The following DYNC1I1 variants were observed in gnomAD, a reference collection of about 807,000 sequenced individuals.
DYNC1I1 encodes cytoplasmic dynein 1 intermediate chain 1.
In DYNC1I1, 43 loss-of-function variants were observed where a neutral mutation model predicts 86.6. The observed-to-expected ratio is 0.50, with a 90% CI of 0.39 to 0.64. The LOEUF is 0.64. DYNC1I1 is among the 30% of genes least tolerant of loss of function. The probability of loss-of-function intolerance (pLI) is 0.00; values close to 1 mark genes in which losing one functional copy is unlikely to be tolerated. For synonymous variants in DYNC1I1, 262 were observed against 283.7 expected, an observed-to-expected ratio of 0.92 and a Z score of 0.77; for missense variants, 604 against 788.8, an observed-to-expected ratio of 0.77 and a Z score of 2.81.
chr7:96,039,847 T>C (rs7804847), intron 14 of DYNC1I1, among the ~76,000 whole-genome samples: 1 of 151,032 alleles, frequency 6.6e-6, no homozygotes. Flanking sequence ...GGGACTTGGG[T>C]TTTTTTTTGT....
chr7:96,101,009 G>A (rs1318990208), downstream of DYNC1I1, among the ~76,000 whole-genome samples: 1 of 152,156 alleles, frequency 6.6e-6, no homozygotes, highest in African/African-American at 2.4e-5. Flanking sequence ...TTGTAGGTCA[G>A]GGCTGATGGT....
chr7:95,908,934 G>C (rs1192681837), intron 6 of DYNC1I1, among the ~76,000 whole-genome samples: 1 of 151,954 alleles, frequency 6.6e-6, no homozygotes, highest in African/African-American at 2.4e-5. Flanking sequence ...ACAAGCCAGG[G>C]AGTAGGGTTG....
At chr7:95,874,362 T>C (rs1007640472) in intron 6 of DYNC1I1, among the ~76,000 whole-genome samples, 13 of 152,114 alleles carry the variant, frequency 8.5e-5, no homozygotes, top group Non-Finnish European at 1.8e-4. Context: ...TTGCTGACAA[T>C]AGAAACTAAC....
At chr7:95,916,505 T>G in intron 6 of DYNC1I1, among the ~76,000 whole-genome samples, 1 of 152,302 alleles carries the variant, frequency 6.6e-6, no homozygotes, top group African/African-American at 2.4e-5. Flanking sequence ...TCAGTAGACA[T>G]TTGTGTTCTA....
intron 7 of DYNC1I1, among the ~76,000 whole-genome samples, chr7:95,978,405 G>A (rs1562961606): frequency 6.6e-6 from 1 of 152,174 alleles, no homozygotes; most frequent in Non-Finnish European, 1.5e-5. Context: ...AAATACTGCA[G>A]GTGACATTTC....
chr7:95,989,320 A>C (rs1390704689), intron 9 of DYNC1I1, among the ~76,000 whole-genome samples: 1 of 152,200 alleles, frequency 6.6e-6, no homozygotes, highest in African/African-American at 2.4e-5. Context: ...TCCTTTTTGT[A>C]TCCAAACAAC....
At chr7:96,102,360 C>T (rs1791148698), downstream of DYNC1I1, among the ~76,000 whole-genome samples, 1 of 152,052 alleles carries the variant, frequency 6.6e-6, no homozygotes, top group South Asian at 2.1e-4. Flanking sequence ...GTACCAGATG[C>T]CTTGGTAAGA....
intron 6 of DYNC1I1, among the ~76,000 whole-genome samples, chr7:95,938,332 G>A (rs2116434184): frequency 6.6e-6 from 1 of 152,226 alleles, no homozygotes; most frequent in South Asian, 2.1e-4. Flanking sequence ...AAGTTTCTGA[G>A]TCTCGAAAAA....
intron 14 of DYNC1I1, among the ~76,000 whole-genome samples, chr7:96,052,413 A>G (rs1397923483): frequency 6.6e-6 from 1 of 152,140 alleles, no homozygotes; most frequent in African/African-American, 2.4e-5. Context: ...ACACAGACAC[A>G]TGAGATAGTT....
intron 4 of DYNC1I1, among the ~76,000 whole-genome samples, chr7:95,822,494 G>A (rs866399328): frequency 4.6e-5 from 7 of 152,162 alleles, no homozygotes; most frequent in South Asian, 2.1e-4. Flanking sequence ...TATTTTCCAT[G>A]TTGGGAAGCT....
In DYNC1I1 at chr7:96,037,605, A is replaced by AGGCTATAGAATG. The variant is rs58432316; in HGVS notation, c.1365-1661_1365-1660insGGGCTATAGAAT. Among the ~76,000 whole-genome samples the AGGCTATAGAATG allele has an allele frequency of 8.0e-3, 1,226 of 152,308 alleles. 11 individuals are homozygous for AGGCTATAGAATG. Among genetic ancestry groups the AGGCTATAGAATG allele is most frequent in the African/African-American group, 0.028 (1,152 of 41,564 alleles). On this transcript the variant is annotated intron_variant, in intron 13 of 16. Coordinates refer to ENST00000447467, the MANE Select transcript of DYNC1I1 (RefSeq NM_001135556.2). ...TACCTAGGTCCTTGATTATCTACGA[A>AGGCTATAGAATG]GGCTATAGAATACATTCATTGATAA...
rs142580685 is a variant in DYNC1I1, at chr7:95,989,641, G to C, written c.843+2486G>C. The stretch of plus-strand genomic sequence containing the variant: ...GTAGGTGATGGGCCACATTGCCTGT[G>C]GAGGTGTTTCCACACAGGGTCTCGC... On this transcript the variant is annotated intron_variant, in intron 9 of 16. Coordinates refer to ENST00000447467, the MANE Select transcript of DYNC1I1 (RefSeq NM_001135556.2). 3.8e-3 allele frequency among the ~76,000 whole-genome samples: 581 copies of C among 152,020 alleles called. 3 individuals carry two copies. The highest frequency in any genetic ancestry group is 0.014 in the Middle Eastern group (4 of 292).
intron 6 of DYNC1I1, among the ~76,000 whole-genome samples, chr7:95,974,004 GTTA>G (rs1430185233): frequency 6.6e-6 from 1 of 152,108 alleles, no homozygotes; most frequent in Non-Finnish European, 1.5e-5. Flanking sequence ...GAATCTATTT[GTTA>G]TTAGTCTTAT....
chr7:95,928,863 A>G (rs370617850), intron 6 of DYNC1I1, among the ~76,000 whole-genome samples: 3 of 152,294 alleles, frequency 2.0e-5, no homozygotes, highest in African/African-American at 7.2e-5. Flanking sequence ...CATATAAATT[A>G]TGAAGCATAA....
intron 14 of DYNC1I1, among the ~76,000 whole-genome samples, chr7:96,069,885 G>A (rs1790109943): frequency 6.6e-6 from 1 of 152,164 alleles, no homozygotes; most frequent in African/African-American, 2.4e-5. Flanking sequence ...AGAAGCAAAT[G>A]CTAAATTCCT....
chr7:96,015,717 G>A (rs1388633666), intron 10 of DYNC1I1, among the ~76,000 whole-genome samples: 1 of 152,048 alleles, frequency 6.6e-6, no homozygotes, highest in Non-Finnish European at 1.5e-5. Context: ...CACATTTCTG[G>A]TATTTTCTAT....
At chr7:95,829,230 G>A (rs753702495) in intron 5 of DYNC1I1, among the ~76,000 whole-genome samples, 13 of 152,020 alleles carry the variant, frequency 8.6e-5, no homozygotes, top group Non-Finnish European at 1.2e-4. Context: ...GAGGTTGAAG[G>A]GCTATTTGCA....
intron 6 of DYNC1I1, among the ~76,000 whole-genome samples, chr7:95,941,293 C>T (rs1792209728): frequency 6.6e-6 from 1 of 151,910 alleles, no homozygotes; most frequent in South Asian, 2.1e-4. Context: ...TCTCAGATCT[C>T]CAGCTGCGTG....
intron 5 of DYNC1I1, among the ~76,000 whole-genome samples, chr7:95,830,712 A>G (rs1795302060): frequency 6.6e-6 from 1 of 152,100 alleles, no homozygotes; most frequent in African/African-American, 2.4e-5. Flanking sequence ...TTGGGCAAAT[A>G]CCTCCCAGTA....
Sources: allele counts gnomAD v4.1 joint callset (sites outside exome capture counted in the v4.1 genomes callset), GRCh38; gene constraint gnomAD v4.1.1; transcripts MANE v1.5; gene names NCBI Gene and HGNC (gene_info 2026-07-23, HGNC 2026-07-21).